WIPI1: variants seen among roughly 807,000 people sequenced by gnomAD.
The protein encoded by WIPI1 is WD repeat domain, phosphoinositide interacting 1.
WIPI1 carries 45 observed loss-of-function variants against 55.3 expected under a neutral mutation model. That is an observed-to-expected ratio of 0.81 (90% CI 0.64 to 1.04). The LOEUF (loss-of-function observed/expected upper bound fraction) is 1.04, where lower values mean the gene tolerates loss of function less well. Ranked by LOEUF, WIPI1 falls within the 50% of genes least tolerant of loss-of-function variation. The pLI is 0.00. For synonymous variants in WIPI1, 195 were observed against 217.6 expected (o/e 0.90, Z 0.92); for missense variants, 445 against 559.0 (o/e 0.80, Z 2.06).
At position 68,421,644 on chromosome 17, in the gene WIPI1, G is replaced by A; in HGVS notation, c.*129C>T. ...GAGTTAACCAGGTCCTGTGGTTTAA[G>A]CAGTGGAGCACCCGGGATTCCTGCC... On this transcript the variant is annotated 3_prime_UTR_variant, in exon 13 of 13. Coordinates refer to ENST00000262139, the MANE Select transcript of WIPI1 (RefSeq NM_017983.7). The A allele has an allele frequency of 1.5e-6, 2 of 1,335,236 alleles. No homozygotes were observed. The highest frequency in any genetic ancestry group is 4.6e-5 in the East Asian group (2 of 43,214). The allele number at this position is 1,335,236 out of a possible 1,614,324, so 82.7% of individuals were successfully genotyped here. A position where few individuals can be genotyped will look rare whatever the true frequency, so the allele number is the denominator to read the frequency against.
intron 7 of WIPI1, 122 bp from the exon 8 acceptor site, chr17:68,433,697 C>A: frequency 1.7e-6 from 1 of 580,904 alleles, no homozygotes; most frequent in Non-Finnish European, 3.0e-6. Flanking sequence ...AGACCCAGAT[C>A]CCTTAAACAC....
At chr17:68,440,058 CT>C (rs1314993425) in intron 4 of WIPI1, among the ~76,000 whole-genome samples, 1 of 152,182 alleles carries the variant, frequency 6.6e-6, no homozygotes, top group East Asian at 1.9e-4. Flanking sequence ...TATTATAGAA[CT>C]GGTTGACACT....
intron 12 of WIPI1, 81 bp downstream of exon 12, chr17:68,425,994 G>GACTCT: frequency 9.4e-7 from 1 of 1,064,660 alleles, no homozygotes; most frequent in Non-Finnish European, 1.4e-6. Flanking sequence ...CAGGGAAAGG[G>GACTCT]ACTCTGCCTC....
chr17:68,437,101 T>A (rs1004718973), intron 4 of WIPI1, among the ~76,000 whole-genome samples: 47 of 152,028 alleles, frequency 3.1e-4, no homozygotes, highest in Non-Finnish European at 4.4e-4. Context: ...TTCTTCCAAT[T>A]CCATTATCCT....
intron 4 of WIPI1, among the ~76,000 whole-genome samples, chr17:68,438,773 G>A (rs2083944617): frequency 6.6e-6 from 1 of 152,086 alleles, no homozygotes; most frequent in Non-Finnish European, 1.5e-5. Flanking sequence ...GCTAATTTTT[G>A]TATTTTCAGT....
intron 12 of WIPI1, among the ~76,000 whole-genome samples, chr17:68,425,390 T>C (rs934090664): frequency 9.9e-5 from 15 of 150,832 alleles, no homozygotes; most frequent in Non-Finnish European, 2.1e-4. Context: ...TTCTTTTTTT[T>C]TTTTTTTTTT....
chr17:68,448,486 T>C (rs1002116401), intron 3 of WIPI1: 1 of 152,132 alleles, frequency 6.6e-6, no homozygotes, highest in Admixed American at 6.5e-5. Flanking sequence ...CAGTGTTCTT[T>C]AGAAGGTGGG....
At chr17:68,431,103 G>A (rs144297900) in intron 8 of WIPI1, among the ~76,000 whole-genome samples, 1,787 of 152,186 alleles carry the variant, frequency 0.012, 9 homozygotes, top group Middle Eastern at 0.024. Flanking sequence ...TCCGGGCTGG[G>A]GTTTACAAAG....
chr17:68,426,363 G>C (rs147033555), intron 11 of WIPI1, among the ~76,000 whole-genome samples, 188 bp from the exon 12 acceptor site: 1 of 152,142 alleles, frequency 6.6e-6, no homozygotes, highest in East Asian at 1.9e-4. Flanking sequence ...AGCCTGACCT[G>C]CCTTTCCACT....
At chr17:68,454,356 T>A (rs2084594658) in intron 1 of WIPI1, among the ~76,000 whole-genome samples, 1 of 152,226 alleles carries the variant, frequency 6.6e-6, no homozygotes, top group Non-Finnish European at 1.5e-5. Context: ...CAAGCCTGGA[T>A]GGCCAAGGCT....
At chr17:68,435,499 T>G in intron 6 of WIPI1, 121 bp downstream of exon 6, 2 of 961,332 alleles carry the variant, frequency 2.1e-6, no homozygotes, top group African/African-American at 1.6e-5. Flanking sequence ...TGAAACAAAT[T>G]CTGAGTGGGC....
intron 4 of WIPI1, among the ~76,000 whole-genome samples, chr17:68,439,737 T>A (rs1338241998): frequency 2.6e-5 from 4 of 152,226 alleles, no homozygotes; most frequent in African/African-American, 9.6e-5. Context: ...GTCTGCTATG[T>A]ACTGTGAAAC....
At chr17:68,450,630 A>T (rs1266773454) in intron 3 of WIPI1, 98 bp downstream of exon 3, 1 of 1,445,078 alleles carries the variant, frequency 6.9e-7, no homozygotes. Flanking sequence ...TTAGAATTGG[A>T]AGCTTGTTTT....
At chr17:68,448,415 C>T (rs935525439) in intron 3 of WIPI1, 11 of 152,106 alleles carry the variant, frequency 7.2e-5, no homozygotes, top group Non-Finnish European at 1.0e-4. Context: ...ATCTTGGTTC[C>T]GAGAACTGTT....
intron 11 of WIPI1, 78 bp from the exon 12 acceptor site, chr17:68,426,253 G>GGGGGCCCCC: frequency 1.2e-6 from 1 of 841,018 alleles, no homozygotes; most frequent in East Asian, 3.4e-5. Context: ...GGGGAGCGGG[G>GGGGGCCCCC]GCTCAAATAA....
intron 4 of WIPI1, among the ~76,000 whole-genome samples, chr17:68,443,815 A>G (rs926217041): frequency 6.6e-6 from 1 of 152,236 alleles, no homozygotes; most frequent in Non-Finnish European, 1.5e-5. Flanking sequence ...CATTAAATGT[A>G]CAAGTTGTTC....
At chr17:68,435,045 A>G (rs891184454) in intron 6 of WIPI1, among the ~76,000 whole-genome samples, 6 of 152,102 alleles carry the variant, frequency 3.9e-5, no homozygotes, top group East Asian at 1.9e-4. Flanking sequence ...CGTCTCCACT[A>G]AAATACAAAA....
At chr17:68,439,682 T>C (rs1044359391) in intron 4 of WIPI1, among the ~76,000 whole-genome samples, 1 of 152,220 alleles carries the variant, frequency 6.6e-6, no homozygotes, top group African/African-American at 2.4e-5. Flanking sequence ...TTCAGGAATA[T>C]TTATCTGGTT....
intron 9 of WIPI1, 104 bp downstream of exon 9, chr17:68,429,892 G>A: frequency 6.4e-7 from 1 of 1,550,624 alleles, no homozygotes; most frequent in Non-Finnish European, 8.8e-7. Context: ...CCCAGCCTGG[G>A]GCAAGTTTTC....
Sources: allele counts gnomAD v4.1 joint callset (sites outside exome capture counted in the v4.1 genomes callset), GRCh38; gene constraint gnomAD v4.1.1; transcripts MANE v1.5; gene names NCBI Gene and HGNC (gene_info 2026-07-23, HGNC 2026-07-21).